Variants in SLC35E3 observed in about 807,000 individuals in gnomAD.
SLC35E3 encodes bladder cancer-overexpressed gene 1 protein.
In SLC35E3, 28 loss-of-function variants were observed where a neutral mutation model predicts 30.8. The ratio of observed to expected loss-of-function variants is 0.91; its 90% CI spans 0.67 to 1.25. SLC35E3 has a LOEUF of 1.25. SLC35E3 is among the 50% of genes most tolerant of loss of function. The pLI is 0.00. For synonymous variants in SLC35E3, 146 were observed against 149.2 expected, an observed-to-expected ratio of 0.98 and a Z score of 0.16; for missense variants, 365 against 375.4, an observed-to-expected ratio of 0.97 and a Z score of 0.23.
intron 3 of SLC35E3, among the ~76,000 whole-genome samples, chr12:68,752,650 C>G (rs964332183): frequency 6.6e-6 from 1 of 152,064 alleles, no homozygotes; most frequent in Non-Finnish European, 1.5e-5. Context: ...CTGGGCAGAT[C>G]GTTTGAGCCC....
At chr12:68,753,704 C>A (rs1053122154) in intron 3 of SLC35E3, among the ~76,000 whole-genome samples, 1 of 151,886 alleles carries the variant, frequency 6.6e-6, no homozygotes, top group Non-Finnish European at 1.5e-5. Flanking sequence ...TCCATTACCC[C>A]CTAATCTTCC....
At chr12:68,761,063 G>A (rs1879217967) in intron 4 of SLC35E3, among the ~76,000 whole-genome samples, 1 of 152,120 alleles carries the variant, frequency 6.6e-6, no homozygotes, top group African/African-American at 2.4e-5. Flanking sequence ...CAGCAGGTGC[G>A]AGGCCGTAAA....
Position 68,774,579 on chromosome 12 carries a change from CA to C in SLC35E3, c.*9702del, listed in dbSNP as rs67613806. ...GGGCAACAAGAGTGAAACTCCATCT[CA>C]AAAAAAAAAAAATTAGGTATATTGG... On this transcript the variant is annotated 3_prime_UTR_variant, in exon 5 of 5. Coordinates refer to ENST00000398004, the MANE Select transcript of SLC35E3 (RefSeq NM_018656.5). 11 of 143,380 alleles carry C rather than the reference CA, an allele frequency of 7.7e-5. No individual in the cohort carries two copies. Among genetic ancestry groups the C allele is most frequent in the East Asian group, 2.0e-4 (1 of 4,906 alleles). The allele number at this position is 143,380 out of a possible 1,614,324, so 8.9% of individuals were successfully genotyped here.
chr12:68,766,073 A>T lies in SLC35E3; in HGVS notation c.*1183A>T, dbSNP rs531115638. On this transcript the variant is annotated 3_prime_UTR_variant, in exon 5 of 5. Coordinates refer to ENST00000398004, the MANE Select transcript of SLC35E3 (RefSeq NM_018656.5). Reference sequence around the variant, plus strand: ...AAAGATGACTGTAAGACAAAATCCAATTCTAAAAGTATGATTTTTTTCTAG... The same window carrying T: ...AAAGATGACTGTAAGACAAAATCCATTTCTAAAAGTATGATTTTTTTCTAG... The T allele has an allele frequency of 6.6e-6, 1 of 152,266 alleles. No homozygotes were observed. Among genetic ancestry groups the T allele is most frequent in the South Asian group, 2.1e-4 (1 of 4,820 alleles). 9.4% of individuals were successfully genotyped at this position (152,266 alleles called of 1,614,324 possible).
At chr12:68,747,005 A>G (rs1208155614) in intron 1 of SLC35E3, among the ~76,000 whole-genome samples, 5 of 152,066 alleles carry the variant, frequency 3.3e-5, no homozygotes, top group Admixed American at 3.3e-4. Flanking sequence ...TTTGATGGAA[A>G]TCGTTAAATG....
Position 68,777,638 on chromosome 12 carries a change from C to T in SLC35E3, c.*12748C>T, listed in dbSNP as rs1330004186. 6.6e-6 allele frequency: 1 copy of T among 152,182 alleles called. No homozygotes were observed. The highest frequency in any genetic ancestry group is 1.9e-4 in the East Asian group (1 of 5,196). The allele number at this position is 152,182 out of a possible 1,614,324, so 9.4% of individuals were successfully genotyped here. ...AACCCAAGTGGGACAGTCTGAATTTCCCCACCCTCAGGTGTCAGAGAATCA... is the reference window on the plus strand; with the variant it reads ...AACCCAAGTGGGACAGTCTGAATTTTCCCACCCTCAGGTGTCAGAGAATCA... On this transcript the variant is annotated 3_prime_UTR_variant, in exon 5 of 5. Coordinates refer to ENST00000398004, the MANE Select transcript of SLC35E3 (RefSeq NM_018656.5).
At chr12:68,753,706 T>C (rs143353212) in intron 3 of SLC35E3, among the ~76,000 whole-genome samples, 8 of 151,784 alleles carry the variant, frequency 5.3e-5, no homozygotes, top group African/African-American at 1.9e-4. Context: ...CATTACCCCC[T>C]AATCTTCCAC....
chr12:68,759,430 G>A (rs1487538287), intron 4 of SLC35E3, among the ~76,000 whole-genome samples, 191 bp downstream of exon 4: 1 of 152,208 alleles, frequency 6.6e-6, no homozygotes, highest in Non-Finnish European at 1.5e-5. Context: ...AGGGGCAAGT[G>A]TGGTGGCTCA....
intron 1 of SLC35E3, among the ~76,000 whole-genome samples, 196 bp from the exon 2 acceptor site, chr12:68,747,734 T>C (rs1354729790): frequency 6.6e-6 from 1 of 152,268 alleles, no homozygotes. Flanking sequence ...AATATCAATA[T>C]AGATTTGTCA....
rs76267936 is a variant in SLC35E3 at position 68,760,582 on chromosome 12, C to T, written c.755+1343C>T. On this transcript the variant is annotated intron_variant, in intron 4 of 4. Coordinates refer to ENST00000398004, the MANE Select transcript of SLC35E3 (RefSeq NM_018656.5). Reference sequence around the variant, plus strand: ...ACAAATGGGATGTCCAGATTTGAACCCATGCAGTCTAGTCCCCAAATTTGT... The same window carrying T: ...ACAAATGGGATGTCCAGATTTGAACTCATGCAGTCTAGTCCCCAAATTTGT... Among the ~76,000 whole-genome samples, 149 of 152,252 alleles carry T rather than the reference C, an allele frequency of 9.8e-4. 4 individuals are homozygous for T. In the East Asian group the frequency reaches 0.026, roughly 27 times the overall value.
intron 4 of SLC35E3, among the ~76,000 whole-genome samples, chr12:68,763,009 G>C (rs984410397): frequency 1.3e-5 from 2 of 152,208 alleles, no homozygotes; most frequent in Non-Finnish European, 2.9e-5. Flanking sequence ...GATCACTTAT[G>C]AAATGTATGA....
At chr12:68,754,575 C>T (rs943197951) in intron 3 of SLC35E3, among the ~76,000 whole-genome samples, 3 of 152,134 alleles carry the variant, frequency 2.0e-5, no homozygotes, top group Non-Finnish European at 4.4e-5. Context: ...CGTGAGCCGC[C>T]GCGCCCAGCC....
At chr12:68,748,487 T>C (rs1398940247) in intron 2 of SLC35E3, among the ~76,000 whole-genome samples, 1 of 152,088 alleles carries the variant, frequency 6.6e-6, no homozygotes, top group Non-Finnish European at 1.5e-5. Flanking sequence ...TACAACTTGT[T>C]TATTGGCTTT....
intron 4 of SLC35E3, among the ~76,000 whole-genome samples, chr12:68,763,379 G>C (rs576350268): frequency 2.6e-5 from 4 of 152,066 alleles, no homozygotes; most frequent in South Asian, 2.1e-4. Flanking sequence ...GTGTGTGTGT[G>C]TGTGTCTGTG....
rs1256993768 is a variant in SLC35E3 at position 68,779,897 on chromosome 12, A to G, written c.*15007A>G. ...GGTTATAGTGAGCCATGACTGTGCCACTGCACTCCAGCCTGGGCAACAAAG... is the reference window on the plus strand; with the variant it reads ...GGTTATAGTGAGCCATGACTGTGCCGCTGCACTCCAGCCTGGGCAACAAAG... On this transcript the variant is annotated 3_prime_UTR_variant, in exon 5 of 5. Transcript: ENST00000398004. 1.3e-5 allele frequency: 2 copies of G among 152,218 alleles called. No individual in the cohort carries two copies. Among genetic ancestry groups the G allele is most frequent in the African/African-American group, 2.4e-5 (1 of 41,434 alleles). The allele number at this position is 152,218 out of a possible 1,614,324, so 9.4% of individuals were successfully genotyped here.
In SLC35E3 at chr12:68,771,048, C is replaced by G. The variant is rs1043754434; in HGVS notation, c.*6158C>G. 6.6e-6 allele frequency: 1 copy of G among 152,164 alleles called. No individual in the cohort carries two copies. Among genetic ancestry groups the G allele is most frequent in the African/African-American group, 2.4e-5 (1 of 41,372 alleles). The allele number at this position is 152,164 out of a possible 1,614,324, so 9.4% of individuals were successfully genotyped here. ...CAGCACTTTGGGAAGCTGAGGCAGT[C>G]AGATCACTTCAGATCAGGAGTTTGA... On this transcript the variant is annotated 3_prime_UTR_variant, in exon 5 of 5. Transcript: ENST00000398004.
chr12:68,753,177 G>A (rs1451472883), intron 3 of SLC35E3, among the ~76,000 whole-genome samples: 7 of 151,992 alleles, frequency 4.6e-5, no homozygotes, highest in Admixed American at 3.9e-4. Flanking sequence ...AGCTACTCAG[G>A]AAGCTGAGGC....
In SLC35E3 at chr12:68,773,959, C is replaced by T. The variant is rs989351412; in HGVS notation, c.*9069C>T. On this transcript the variant is annotated 3_prime_UTR_variant, in exon 5 of 5. Transcript: ENST00000398004. ...GCCTTGTAGAGGGATGATCATATGA[C>T]ATTTCACCAATGGCACATAATTCAA... The T allele has an allele frequency of 2.0e-5, 3 of 152,178 alleles. No homozygotes were observed. The highest frequency in any genetic ancestry group is 2.9e-5 in the Non-Finnish European group (2 of 68,028). The allele number at this position is 152,178 out of a possible 1,614,324, so 9.4% of individuals were successfully genotyped here.
intron 1 of SLC35E3, among the ~76,000 whole-genome samples, chr12:68,747,349 A>G (rs147105913): frequency 0.035 from 5,195 of 150,568 alleles, 106 homozygotes; most frequent in Non-Finnish European, 0.052. Flanking sequence ...GGCTCACCGC[A>G]ACCTCCGCCT....
Sources: allele counts gnomAD v4.1 joint callset (sites outside exome capture counted in the v4.1 genomes callset), GRCh38; gene constraint gnomAD v4.1.1; transcripts MANE v1.5; gene names NCBI Gene and HGNC (gene_info 2026-07-23, HGNC 2026-07-21).